TECPR2: variants seen among roughly 807,000 people sequenced by gnomAD.
The protein encoded by TECPR2 is tectonin beta-propeller repeat containing 2, also known as tectonin beta-propeller repeat-containing protein 2.
A neutral mutation model predicts 138.1 loss-of-function variants in TECPR2; 65 were observed. The ratio of observed to expected loss-of-function variants is 0.47; its 90% CI spans 0.39 to 0.58. TECPR2 has a LOEUF of 0.58. Among genes scored for constraint, TECPR2 ranks in the 20% least tolerant of loss-of-function variants. The probability of loss-of-function intolerance (pLI) is 0.00; values close to 1 mark genes in which losing one functional copy is unlikely to be tolerated. For missense variants in TECPR2, 1,553 were observed against 1,824.5 expected (o/e 0.85, Z 2.71); for synonymous variants, 746 against 749.8 (o/e 0.99, Z 0.08).
rs907079676 is a variant in TECPR2, at chr14:102,498,336, C to T, written c.*79C>T. 27 of 1,480,308 alleles carry T rather than the reference C, an allele frequency of 1.8e-5. No individual in the cohort carries two copies. The highest frequency in any genetic ancestry group is 1.1e-4 in the Admixed American group (5 of 44,918). 91.7% of individuals were successfully genotyped at this position (1,480,308 alleles called of 1,614,324 possible). On this transcript the variant is annotated 3_prime_UTR_variant, in exon 20 of 20. Transcript: ENST00000359520. ...GGCTTCAGAGTGACTCCCTGGTGGACGCGCTGCCTCAACACTTGTCCAGAC... is the reference window on the plus strand; with the variant it reads ...GGCTTCAGAGTGACTCCCTGGTGGATGCGCTGCCTCAACACTTGTCCAGAC...
intron 17 of TECPR2, among the ~76,000 whole-genome samples, chr14:102,483,558 C>T (rs1890944370): frequency 1.3e-5 from 2 of 152,048 alleles, no homozygotes; most frequent in South Asian, 4.1e-4. Flanking sequence ...CCTCCCACCA[C>T]AGCCTCCCAA....
At chr14:102,382,076 G>A (rs899758191) in intron 2 of TECPR2, among the ~76,000 whole-genome samples, 1 of 152,126 alleles carries the variant, frequency 6.6e-6, no homozygotes, top group Admixed American at 6.5e-5. Flanking sequence ...GGTGGATCAC[G>A]AGGTCAGGAG....
chr14:102,470,978 C>T (rs1890643394), intron 17 of TECPR2, among the ~76,000 whole-genome samples: 1 of 152,106 alleles, frequency 6.6e-6, no homozygotes, highest in Admixed American at 6.6e-5. Flanking sequence ...ACCGCCACAC[C>T]CAGCTAATTT....
intron 5 of TECPR2, among the ~76,000 whole-genome samples, chr14:102,423,923 CA>C (rs1376820462): frequency 6.6e-6 from 1 of 152,160 alleles, no homozygotes; most frequent in Non-Finnish European, 1.5e-5. Flanking sequence ...ACGTCAGAAG[CA>C]ACAGAATCAG....
At chr14:102,365,127 G>A (rs900075688) in intron 1 of TECPR2, among the ~76,000 whole-genome samples, 1 of 152,206 alleles carries the variant, frequency 6.6e-6, no homozygotes, top group African/African-American at 2.4e-5. Flanking sequence ...ACAGTGCTTT[G>A]AGAGAGAGAT....
At chr14:102,477,636 C>T (rs1208361370) in intron 17 of TECPR2, among the ~76,000 whole-genome samples, 1 of 146,390 alleles carries the variant, frequency 6.8e-6, no homozygotes, top group Non-Finnish European at 1.5e-5. Flanking sequence ...CTGCAAGCTC[C>T]GCCTCCTGGG....
At chr14:102,436,913 G>C in intron 9 of TECPR2, 1 of 849,438 alleles carries the variant, frequency 1.2e-6, no homozygotes, top group Non-Finnish European at 1.4e-6. Flanking sequence ...CTGTCGGTGG[G>C]GTGGGGTATT....
At chr14:102,452,902 C>T (rs952018990) in intron 16 of TECPR2, among the ~76,000 whole-genome samples, 9 of 152,156 alleles carry the variant, frequency 5.9e-5, no homozygotes, top group African/African-American at 1.4e-4. Context: ...TCGCTGCGAG[C>T]GGCTTGAAGG....
chr14:102,449,899 G>A (rs1389685984), intron 14 of TECPR2, 30 bp downstream of exon 14: 1 of 1,604,528 alleles, frequency 6.2e-7, no homozygotes, highest in African/African-American at 1.3e-5. Flanking sequence ...TTTCACACTG[G>A]CTTTATAGGC....
At position 102,435,705 on chromosome 14, in the gene TECPR2, C is replaced by T. The variant is rs558094404; in HGVS notation, c.2394+494C>T. On this transcript the variant is annotated intron_variant, in intron 9 of 19. Transcript: ENST00000359520. ...CCAGAACTGCTGTCTCCTCAACCTC[C>T]GAACAGTGGCTCCAAGGCTCCCCTG... Among the ~76,000 whole-genome samples, 23 of 152,304 alleles carry T rather than the reference C, an allele frequency of 1.5e-4. No individual in the cohort carries two copies. The South Asian group carries it at 4.6e-3, about 30-fold the overall frequency.
intron 17 of TECPR2, among the ~76,000 whole-genome samples, chr14:102,486,974 C>CA (rs1456494721): frequency 1.3e-5 from 2 of 152,194 alleles, no homozygotes; most frequent in East Asian, 3.8e-4. Context: ...GGCCATGTGA[C>CA]AAATGGCCCA....
chr14:102,481,251 G>T (rs544694152), intron 17 of TECPR2, among the ~76,000 whole-genome samples: 1 of 150,678 alleles, frequency 6.6e-6, no homozygotes, highest in African/African-American at 2.4e-5. Flanking sequence ...TGATCTGCCC[G>T]CCTCGGCCTC....
rs547293391 is a variant in TECPR2 at position 102,499,932 on chromosome 14, C to T, written c.*1675C>T. On this transcript the variant is annotated 3_prime_UTR_variant, in exon 20 of 20. Coordinates refer to ENST00000359520, the MANE Select transcript of TECPR2 (RefSeq NM_014844.5). ...GACTTCACACTTCCCTTTTCTAGAA[C>T]CTTTTGTAAAAGTTGGTGGCAGCAG... 1 of 152,910 alleles carries T rather than the reference C, an allele frequency of 6.5e-6. No individual in the cohort carries two copies. Among genetic ancestry groups the T allele is most frequent in the East Asian group, 1.9e-4 (1 of 5,190 alleles). The allele number at this position is 152,910 out of a possible 1,614,324, so 9.5% of individuals were successfully genotyped here.
At chr14:102,457,343 C>A (rs1043691102) in intron 16 of TECPR2, among the ~76,000 whole-genome samples, 2 of 152,122 alleles carry the variant, frequency 1.3e-5, no homozygotes, top group Non-Finnish European at 2.9e-5. Context: ...TCTTGGCCTC[C>A]CAAAGTGCTG....
intron 2 of TECPR2, among the ~76,000 whole-genome samples, chr14:102,381,551 GC>G (rs1430906635): frequency 4.6e-5 from 7 of 152,210 alleles, no homozygotes; most frequent in Admixed American, 1.3e-4. Flanking sequence ...TCCAGCCTAG[GC>G]GACAGAGTGA....
Position 102,432,006 on chromosome 14 carries a change from A to G in TECPR2, c.1295A>G (p.Glu432Gly). The change falls in exon 8 of 20, where the codon GAG becomes GGG. Residue 432 changes from glutamate to glycine, a missense_variant. By Grantham distance (98) the Glu-to-Gly change is moderately conservative (BLOSUM62 -2). Coordinates refer to ENST00000359520, the MANE Select transcript of TECPR2 (RefSeq NM_014844.5). ...CCCCCTGGGCTCCAGGCCACCCCTG[A>G]GCTGGGCAAGGGCAGCCAGCCCCTG... ...LLPPGLQATP[E>G]LGKGSQPLSQ... 6.2e-7 allele frequency: 1 copy of G among 1,612,882 alleles called. No homozygotes were observed. The highest frequency in any genetic ancestry group is 1.1e-5 in the South Asian group (1 of 91,074).
Position 102,392,514 on chromosome 14 carries a change from A to G in TECPR2, c.220-14824A>G, listed in dbSNP as rs146475231. On this transcript the variant is annotated intron_variant, in intron 2 of 19. Transcript: ENST00000359520. ...CTTGGATTTTTTCATTTCTATTTCC[A>G]ATAGTAGTTGTTCTTTGCTTACATT... 1.8e-4 allele frequency among the ~76,000 whole-genome samples: 28 copies of G among 152,136 alleles called. No homozygotes were observed. In the East Asian group the frequency reaches 5.2e-3, roughly 28 times the overall value.
intron 4 of TECPR2, among the ~76,000 whole-genome samples, chr14:102,411,221 A>T (rs2139698396): frequency 6.6e-6 from 1 of 152,346 alleles, no homozygotes; most frequent in African/African-American, 2.4e-5. Flanking sequence ...CCCCCCAAAA[A>T]TTTTTGCCGC....
intron 1 of TECPR2, among the ~76,000 whole-genome samples, chr14:102,372,409 G>T (rs537909798): frequency 6.6e-6 from 1 of 152,274 alleles, no homozygotes; most frequent in East Asian, 1.9e-4. Flanking sequence ...GGGATTACAG[G>T]CATGCGCCAC....
Sources: gnomAD v4.1 joint callset for allele counts (sites outside exome capture counted in the v4.1 genomes callset) on GRCh38, gnomAD v4.1.1 for gene constraint, MANE v1.5 for transcripts, NCBI Gene and HGNC (gene_info 2026-07-23, HGNC 2026-07-21) for gene names.